Variants in RABGAP1L observed in about 807,000 individuals in gnomAD.
The protein encoded by RABGAP1L is rab GTPase-activating protein 1-like.
In RABGAP1L, 63 loss-of-function variants were observed where a neutral mutation model predicts 137.7. That is an observed-to-expected ratio of 0.46 (90% CI 0.37 to 0.56). The LOEUF is 0.56. Among genes scored for constraint, RABGAP1L ranks in the 20% least tolerant of loss-of-function variants. The pLI is 0.00. For missense variants in RABGAP1L, 1,095 were observed against 1,244.0 expected, an observed-to-expected ratio of 0.88 and a Z score of 1.80; for synonymous variants, 431 against 433.7, an observed-to-expected ratio of 0.99 and a Z score of 0.08.
chr1:174,983,106 T>G (rs1671274532), intron 24 of RABGAP1L, among the ~76,000 whole-genome samples: 1 of 152,196 alleles, frequency 6.6e-6, no homozygotes, highest in African/African-American at 2.4e-5. Flanking sequence ...ATAAATCATA[T>G]GGACTGTCAG....
intron 1 of RABGAP1L, among the ~76,000 whole-genome samples, chr1:174,171,587 C>A (rs1021659732): frequency 6.6e-6 from 1 of 151,780 alleles, no homozygotes; most frequent in African/African-American, 2.4e-5. Context: ...TAGACTTATT[C>A]ATCCTACATA....
At chr1:174,508,383 A>G (rs908626320) in intron 13 of RABGAP1L, among the ~76,000 whole-genome samples, 1 of 152,132 alleles carries the variant, frequency 6.6e-6, no homozygotes, top group African/African-American at 2.4e-5. Context: ...TTTTTCTCTG[A>G]ACAATACAGT....
chr1:174,857,734 C>T (rs1487239805), intron 19 of RABGAP1L, among the ~76,000 whole-genome samples: 1 of 151,962 alleles, frequency 6.6e-6, no homozygotes, highest in Non-Finnish European at 1.5e-5. Context: ...ATGAGACACC[C>T]ACAGGTGACT....
At chr1:174,304,699 A>G (rs1319206597) in intron 10 of RABGAP1L, among the ~76,000 whole-genome samples, 1 of 152,190 alleles carries the variant, frequency 6.6e-6, no homozygotes, top group East Asian at 1.9e-4. Flanking sequence ...TGTCTGTCCT[A>G]GAACCTCTGG....
chr1:174,905,099 C>T (rs180720488), intron 19 of RABGAP1L, among the ~76,000 whole-genome samples: 33 of 152,014 alleles, frequency 2.2e-4, no homozygotes, highest in Admixed American at 1.6e-3. Flanking sequence ...CCACAAGAGC[C>T]AAAAAGGAGG....
intron 13 of RABGAP1L, among the ~76,000 whole-genome samples, chr1:174,436,062 A>T (rs1410527696): frequency 6.6e-6 from 1 of 152,044 alleles, no homozygotes; most frequent in South Asian, 2.1e-4. Flanking sequence ...TCATTGTTGG[A>T]CATTTGGGTT....
At chr1:174,589,025 T>A (rs904207880) in intron 13 of RABGAP1L, among the ~76,000 whole-genome samples, 1 of 152,214 alleles carries the variant, frequency 6.6e-6, no homozygotes, top group Non-Finnish European at 1.5e-5. Context: ...AGAACTTCTA[T>A]ACTGTTCTTC....
intron 7 of RABGAP1L, among the ~76,000 whole-genome samples, chr1:174,256,133 A>G (rs1478405947): frequency 1.3e-5 from 2 of 152,148 alleles, no homozygotes; most frequent in Non-Finnish European, 2.9e-5. Flanking sequence ...TTTAGTTACC[A>G]TATGTCTTTA....
chr1:174,420,737 T>G (rs1031313527), intron 13 of RABGAP1L, among the ~76,000 whole-genome samples: 2 of 150,416 alleles, frequency 1.3e-5, no homozygotes, highest in African/African-American at 4.9e-5. Context: ...TGCAGTGGCG[T>G]AAGCTCGGCT....
At chr1:174,686,258 A>T (rs1163765523) in intron 15 of RABGAP1L, among the ~76,000 whole-genome samples, 1 of 152,158 alleles carries the variant, frequency 6.6e-6, no homozygotes, top group Admixed American at 6.5e-5. Context: ...TTTTAATTAT[A>T]ATAGTTCTAT....
chr1:174,351,519 C>T (rs1044345126), intron 11 of RABGAP1L, among the ~76,000 whole-genome samples: 5 of 152,152 alleles, frequency 3.3e-5, no homozygotes, highest in African/African-American at 1.2e-4. Context: ...AAGGTTTCCA[C>T]TGAGAAGTCT....
At chr1:174,903,601 AATATAAAATC>A (rs1407362970) in intron 19 of RABGAP1L, among the ~76,000 whole-genome samples, 2 of 152,220 alleles carry the variant, frequency 1.3e-5, no homozygotes, top group Admixed American at 6.5e-5. Context: ...TTAGGATTTG[AATATAAAATC>A]ATATAAAGCC....
intron 10 of RABGAP1L, among the ~76,000 whole-genome samples, chr1:174,284,833 G>A (rs112014065): frequency 2.1e-5 from 3 of 144,200 alleles, no homozygotes; most frequent in Non-Finnish European, 3.0e-5. Flanking sequence ...ATGGATATTC[G>A]GGTTCTATAT....
chr1:174,407,136 G>A (rs914250029), intron 13 of RABGAP1L, among the ~76,000 whole-genome samples: 7 of 152,050 alleles, frequency 4.6e-5, no homozygotes, highest in South Asian at 4.2e-4. Context: ...CGGCTGAGGT[G>A]AAAAAAGGGA....
At chr1:174,954,791 G>A (rs924735100) in intron 19 of RABGAP1L, among the ~76,000 whole-genome samples, 3 of 152,068 alleles carry the variant, frequency 2.0e-5, no homozygotes, top group Admixed American at 1.3e-4. Context: ...GCTCCCCTTG[G>A]CCCTTGTTTC....
chr1:174,778,650 A>G (rs1686721612), intron 18 of RABGAP1L, among the ~76,000 whole-genome samples: 1 of 151,958 alleles, frequency 6.6e-6, no homozygotes, highest in Non-Finnish European at 1.5e-5. Flanking sequence ...GCTGGAGTGT[A>G]ATGGCGTGAT....
intron 13 of RABGAP1L, among the ~76,000 whole-genome samples, chr1:174,540,696 G>A (rs868177140): frequency 2.6e-5 from 4 of 152,142 alleles, no homozygotes; most frequent in Non-Finnish European, 2.9e-5. Flanking sequence ...GGTTACTGTA[G>A]TCTTGTAGTA....
chr1:174,392,548 G>A (rs1647282849), intron 12 of RABGAP1L, among the ~76,000 whole-genome samples: 1 of 152,176 alleles, frequency 6.6e-6, no homozygotes, highest in Admixed American at 6.5e-5. Flanking sequence ...GCTAGAAAAG[G>A]CTAAAAGAAA....
intron 13 of RABGAP1L, among the ~76,000 whole-genome samples, chr1:174,585,876 T>A (rs1669074959): frequency 6.6e-6 from 1 of 152,284 alleles, no homozygotes; most frequent in East Asian, 1.9e-4. Context: ...TGTGTGCATG[T>A]CTATGTGTGT....
Sources: allele counts gnomAD v4.1 joint callset (sites outside exome capture counted in the v4.1 genomes callset), GRCh38; gene constraint gnomAD v4.1.1; transcripts MANE v1.5; gene names NCBI Gene and HGNC (gene_info 2026-07-23, HGNC 2026-07-21).